AUTS2: variants seen among roughly 807,000 people sequenced by gnomAD.
The protein encoded by AUTS2 is activator of transcription and developmental regulator AUTS2, also known as autism susceptibility gene 2 protein.
AUTS2 carries 17 observed loss-of-function variants against 112.4 expected under a neutral mutation model. The ratio of observed to expected loss-of-function variants is 0.15; its 90% CI spans 0.10 to 0.23. The LOEUF (loss-of-function observed/expected upper bound fraction) is 0.23. Ranked by LOEUF, AUTS2 falls within the 10% of genes least tolerant of loss-of-function variation. The probability of loss-of-function intolerance (pLI) is 1.00; values close to 1 mark genes in which losing one functional copy is unlikely to be tolerated. For missense variants in AUTS2, 1,510 were observed against 1,701.6 expected (o/e 0.89, Z 1.98); for synonymous variants, 751 against 702.7 (o/e 1.07, Z -1.09).
intron 2 of AUTS2, among the ~76,000 whole-genome samples, chr7:70,027,652 C>T (rs1800580788): frequency 6.6e-6 from 1 of 152,186 alleles, no homozygotes; most frequent in Non-Finnish European, 1.5e-5. Context: ...TAAAGTAGAT[C>T]AAGCCTATGT....
chr7:70,064,858 C>T (rs186287083), intron 2 of AUTS2, among the ~76,000 whole-genome samples: 1 of 152,268 alleles, frequency 6.6e-6, no homozygotes, highest in Non-Finnish European at 1.5e-5. Context: ...TTTGCTTTAT[C>T]CTATGTTCCT....
At chr7:70,036,018 A>G (rs1294329659) in intron 2 of AUTS2, among the ~76,000 whole-genome samples, 6 of 152,232 alleles carry the variant, frequency 3.9e-5, no homozygotes, top group African/African-American at 1.4e-4. Context: ...GGTAAGTGCT[A>G]TGAAAGAGCA....
intron 2 of AUTS2, among the ~76,000 whole-genome samples, chr7:70,092,818 T>C (rs936517147): frequency 6.6e-6 from 1 of 152,152 alleles, no homozygotes; most frequent in Non-Finnish European, 1.5e-5. Flanking sequence ...CACCGCTTTA[T>C]TCATCCACAT....
chr7:70,529,950 G>T lies in AUTS2; in HGVS notation c.690+94169G>T, dbSNP rs540551269. On this transcript the variant is annotated intron_variant, in intron 5 of 18. Transcript: ENST00000342771. Reference sequence around the variant, plus strand: ...TGGGGGAAAAATATGTTCTGGAAAAGATAAACAGTAGCTTGCAGTTTCACT... The same window carrying T: ...TGGGGGAAAAATATGTTCTGGAAAATATAAACAGTAGCTTGCAGTTTCACT... Among the ~76,000 whole-genome samples the T allele has an allele frequency of 3.3e-5, 5 of 152,314 alleles. No homozygotes were observed. The East Asian group carries it at 9.6e-4, about 29-fold the overall frequency.
intron 2 of AUTS2, among the ~76,000 whole-genome samples, chr7:70,079,852 TG>T (rs1803217952): frequency 6.6e-6 from 1 of 152,190 alleles, no homozygotes; most frequent in Non-Finnish European, 1.5e-5. Flanking sequence ...CAGATGGTTC[TG>T]GAGACTGGGA....
At chr7:70,225,205 T>G (rs1290762940) in intron 4 of AUTS2, among the ~76,000 whole-genome samples, 2 of 152,222 alleles carry the variant, frequency 1.3e-5, no homozygotes, top group African/African-American at 4.8e-5. Flanking sequence ...TGTCCCTTTT[T>G]GGGTTTAATA....
intron 4 of AUTS2, among the ~76,000 whole-genome samples, chr7:70,255,850 A>T (rs994482781): frequency 6.6e-6 from 1 of 152,246 alleles, no homozygotes; most frequent in African/African-American, 2.4e-5. Context: ...TTTTAATTAT[A>T]TGCACTAAAA....
At chr7:70,529,366 A>G (rs895665980) in intron 5 of AUTS2, among the ~76,000 whole-genome samples, 8 of 152,246 alleles carry the variant, frequency 5.3e-5, no homozygotes, top group Non-Finnish European at 4.4e-5. Flanking sequence ...CAGGACAGAT[A>G]GAGTGACTCT....
At chr7:70,253,491 A>T (rs1584936161) in intron 4 of AUTS2, among the ~76,000 whole-genome samples, 1 of 152,074 alleles carries the variant, frequency 6.6e-6, no homozygotes, top group South Asian at 2.1e-4. Context: ...TTGTTTGGTA[A>T]TTTTTACTGT....
chr7:70,211,200 G>A (rs1181427113), intron 4 of AUTS2, among the ~76,000 whole-genome samples: 2 of 152,104 alleles, frequency 1.3e-5, no homozygotes, highest in Non-Finnish European at 2.9e-5. Context: ...ATTGCTGAAG[G>A]AAGGAAATCC....
At chr7:70,491,468 AC>A (rs1798231951) in intron 5 of AUTS2, among the ~76,000 whole-genome samples, 1 of 147,974 alleles carries the variant, frequency 6.8e-6, no homozygotes, top group Non-Finnish European at 1.5e-5. Flanking sequence ...TGTTATATAT[AC>A]ACATAATATA....
chr7:69,635,406 G>T (rs751233959), intron 1 of AUTS2, among the ~76,000 whole-genome samples: 3 of 152,202 alleles, frequency 2.0e-5, no homozygotes, highest in African/African-American at 4.8e-5. Flanking sequence ...AAATACATCT[G>T]AGAATAATAA....
At chr7:69,692,631 A>G (rs762525194) in intron 1 of AUTS2, among the ~76,000 whole-genome samples, 1 of 152,236 alleles carries the variant, frequency 6.6e-6, no homozygotes, top group Non-Finnish European at 1.5e-5. Context: ...ATGGAGAGAT[A>G]CTTTCTTGGA....
At chr7:70,767,449 G>C (rs1790013464) in intron 9 of AUTS2, among the ~76,000 whole-genome samples, 1 of 152,138 alleles carries the variant, frequency 6.6e-6, no homozygotes, top group African/African-American at 2.4e-5. Context: ...TTTTCTGCTG[G>C]CCTGTGTGAG....
At chr7:70,037,417 CTG>C (rs1364683062) in intron 2 of AUTS2, among the ~76,000 whole-genome samples, 1 of 152,142 alleles carries the variant, frequency 6.6e-6, no homozygotes, top group Non-Finnish European at 1.5e-5. Flanking sequence ...AAGTAAGTAA[CTG>C]TGAGATCATG....
In AUTS2 at chr7:70,569,961, C is replaced by A. The variant is rs188727761; in HGVS notation, c.691-128608C>A. ...CTTGTTAAAACTCTTCGGCAGCTAA[C>A]GAAGATGCCTCAGATAATGAGATGG... On this transcript the variant is annotated intron_variant, in intron 5 of 18. Transcript: ENST00000342771. 2.2e-3 allele frequency among the ~76,000 whole-genome samples: 331 copies of A among 152,100 alleles called. 1 individual carries two copies. Among genetic ancestry groups the A allele is most frequent in the Non-Finnish European group, 3.9e-3 (263 of 68,010 alleles).
At chr7:70,395,617 G>A (rs1250694509) in intron 4 of AUTS2, among the ~76,000 whole-genome samples, 1 of 152,202 alleles carries the variant, frequency 6.6e-6, no homozygotes, top group African/African-American at 2.4e-5. Context: ...TTTCACAAGT[G>A]ATCTCAGTTA....
intron 5 of AUTS2, among the ~76,000 whole-genome samples, chr7:70,565,857 G>GT (rs1172765124): frequency 1.3e-5 from 2 of 152,140 alleles, no homozygotes; most frequent in Non-Finnish European, 2.9e-5. Context: ...ACCCTTTGTT[G>GT]TAACTATTAG....
At chr7:69,704,533 C>G (rs2129192674) in intron 1 of AUTS2, among the ~76,000 whole-genome samples, 1 of 152,272 alleles carries the variant, frequency 6.6e-6, no homozygotes, top group East Asian at 1.9e-4. Flanking sequence ...CCATCTCGGC[C>G]TCCCAAAGTA....
Sources: allele counts gnomAD v4.1 joint callset (sites outside exome capture counted in the v4.1 genomes callset), GRCh38; gene constraint gnomAD v4.1.1; transcripts MANE v1.5; gene names NCBI Gene and HGNC (gene_info 2026-07-23, HGNC 2026-07-21).